Variants in PCDHA3 observed in about 807,000 individuals in gnomAD.
PCDHA3 encodes the protein protocadherin alpha 3.
Under a neutral mutation model 62.2 loss-of-function variants are expected in PCDHA3, and 41 were observed. That is an observed-to-expected ratio of 0.66 (90% CI 0.51 to 0.86). The LOEUF is 0.86. Among genes scored for constraint, PCDHA3 ranks in the 40% least tolerant of loss-of-function variants. PCDHA3 has a pLI of 0.00. For synonymous variants in PCDHA3, 640 were observed against 555.4 expected (o/e 1.15, Z -2.14); for missense variants, 1,304 against 1,241.2 (o/e 1.05, Z -0.76).
At chr5:140,981,169 C>T (rs2096920797) in intron 2 of PCDHA3, among the ~76,000 whole-genome samples, 1 of 152,170 alleles carries the variant, frequency 6.6e-6, no homozygotes, top group Admixed American at 6.5e-5. Context: ...GTTGCCTTCC[C>T]TCTAATAGTT....
chr5:140,928,571 C>T (rs369670852), intron 1 of PCDHA3: 1 of 1,614,180 alleles, frequency 6.2e-7, no homozygotes, highest in East Asian at 2.2e-5. Context: ...TTTCCCTTGC[C>T]CAGAAATGGT....
chr5:140,904,150 C>A (rs1005130566), intron 1 of PCDHA3, among the ~76,000 whole-genome samples: 1 of 152,036 alleles, frequency 6.6e-6, no homozygotes, highest in African/African-American at 2.4e-5. Flanking sequence ...GTATACATTG[C>A]ACCCAGTTTG....
chr5:140,807,526 G>T, intron 1 of PCDHA3: 1 of 1,614,130 alleles, frequency 6.2e-7, no homozygotes, highest in South Asian at 1.1e-5. Flanking sequence ...TAGACAGGCC[G>T]CTGCAGGTTT....
chr5:140,967,087 G>A (rs782556858), intron 1 of PCDHA3: 5 of 1,613,256 alleles, frequency 3.1e-6, no homozygotes, highest in South Asian at 1.1e-5. Flanking sequence ...GCATTGATCG[G>A]GAGGCGCTGT....
intron 1 of PCDHA3, chr5:140,857,003 G>C: frequency 6.3e-7 from 1 of 1,595,436 alleles, no homozygotes; most frequent in Non-Finnish European, 8.6e-7. Context: ...TGAAATTCAT[G>C]TAGATGTTAC....
rs1554123890 is a variant in PCDHA3 at position 140,807,338 on chromosome 5, G to A, written c.2394+3747G>A. 8 of 1,613,420 alleles carry A rather than the reference G, an allele frequency of 5.0e-6. No individual in the cohort carries two copies. The South Asian group carries it at 8.8e-5, about 18-fold the overall frequency. On this transcript the variant is annotated intron_variant, in intron 1 of 3. Transcript: ENST00000522353. The stretch of plus-strand genomic sequence containing the variant: ...CACCTTCGTGGGCCGCATCGCGCAG[G>A]ACCTGGGACTGGAGCTGGCGGAGCT...
intron 1 of PCDHA3, chr5:140,810,965 A>G (rs1764766601): frequency 6.6e-6 from 1 of 152,076 alleles, no homozygotes; most frequent in South Asian, 2.1e-4. Flanking sequence ...ACATATTTTT[A>G]TCATTGTTGT....
intron 1 of PCDHA3, chr5:140,857,572 G>C: frequency 6.3e-7 from 1 of 1,596,716 alleles, no homozygotes; most frequent in Non-Finnish European, 8.6e-7. Flanking sequence ...GCTACGTGTC[G>C]GTGCACGCGG....
At chr5:140,818,428 T>A (rs1180551475) in intron 1 of PCDHA3, among the ~76,000 whole-genome samples, 1 of 152,252 alleles carries the variant, frequency 6.6e-6, no homozygotes, top group East Asian at 1.9e-4. Context: ...AATATATTTC[T>A]AACTTGGGTA....
chr5:140,877,224 G>T, intron 1 of PCDHA3: 1 of 1,613,712 alleles, frequency 6.2e-7, no homozygotes, highest in Non-Finnish European at 8.5e-7. Flanking sequence ...TACCGCGGTC[G>T]GTGGGTGCGG....
chr5:140,805,985 A>G (rs1763660585), intron 1 of PCDHA3, among the ~76,000 whole-genome samples: 1 of 152,210 alleles, frequency 6.6e-6, no homozygotes, highest in South Asian at 2.1e-4. Flanking sequence ...TAAAATATAT[A>G]TTCCAAAAAA....
intron 1 of PCDHA3, chr5:140,851,477 T>A: frequency 1.1e-6 from 1 of 890,896 alleles, no homozygotes; most frequent in Non-Finnish European, 1.4e-6. Flanking sequence ...ATAAATGTTA[T>A]AAACACAGCC....
chr5:140,857,165 G>A (rs1554149609), intron 1 of PCDHA3: 2 of 1,598,302 alleles, frequency 1.3e-6, no homozygotes, highest in African/African-American at 2.7e-5. Flanking sequence ...CCTAATCAGC[G>A]TTTCTGACCA....
rs1554149241 is a variant in PCDHA3, at chr5:140,856,873, A to C, written c.2394+53282A>C. The C allele has an allele frequency of 1.9e-6, 3 of 1,595,922 alleles. 1 individual carries two copies. The African/African-American group carries it at 4.0e-5, about 21-fold the overall frequency. On this transcript the variant is annotated intron_variant, in intron 1 of 3. Transcript: ENST00000522353. ...ATTCGGATGAAGGAATAAACAAGGA[A>C]ATGATGTATTCATTTAGCTCTTTGG...
Position 140,920,646 on chromosome 5 carries a change from C to T in PCDHA3, c.2395-58303C>T, listed in dbSNP as rs1210828369. Among the ~76,000 whole-genome samples, 4 of 152,014 alleles carry T rather than the reference C, an allele frequency of 2.6e-5. No individual in the cohort carries two copies. In the South Asian group the frequency reaches 8.3e-4, roughly 32 times the overall value. On this transcript the variant is annotated intron_variant, in intron 1 of 3. Coordinates refer to ENST00000522353, the MANE Select transcript of PCDHA3 (RefSeq NM_018906.3). ...GGATCACAAGGTCAAGAGATTGAGA[C>T]CATCCTTGCCAACATGGTGAAACCC...
At chr5:140,980,842 T>C (rs376646751) in intron 2 of PCDHA3, among the ~76,000 whole-genome samples, 2 of 152,328 alleles carry the variant, frequency 1.3e-5, no homozygotes, top group Non-Finnish European at 2.9e-5. Flanking sequence ...ACCTAAATAA[T>C]ACTAATCTTT....
chr5:140,945,526 A>T (rs1466059696), intron 1 of PCDHA3, among the ~76,000 whole-genome samples: 2 of 152,130 alleles, frequency 1.3e-5, no homozygotes, highest in African/African-American at 4.8e-5. Context: ...AATAAATAAA[A>T]CAAAACATAC....
At chr5:140,820,522 G>A (rs2150107186) in intron 1 of PCDHA3, among the ~76,000 whole-genome samples, 2 of 152,094 alleles carry the variant, frequency 1.3e-5, no homozygotes, top group East Asian at 1.9e-4. Flanking sequence ...CAAGCAGAAT[G>A]TTAGCTATTT....
chr5:140,829,655 C>G, intron 1 of PCDHA3: 3 of 1,612,510 alleles, frequency 1.9e-6, no homozygotes, highest in Non-Finnish European at 2.5e-6. Context: ...CGCGCTGCAG[C>G]CGCTGGACCA....
Sources: allele counts gnomAD v4.1 joint callset (sites outside exome capture counted in the v4.1 genomes callset), GRCh38; gene constraint gnomAD v4.1.1; transcripts MANE v1.5; gene names NCBI Gene and HGNC (gene_info 2026-07-23, HGNC 2026-07-21).